SLC9B1: variants seen among roughly 807,000 people sequenced by gnomAD.
SLC9B1 encodes the protein solute carrier family 9 member B1.
SLC9B1 carries 32 observed loss-of-function variants against 51.7 expected under a neutral mutation model. The ratio of observed to expected loss-of-function variants is 0.62; its 90% CI spans 0.47 to 0.83. The LOEUF (loss-of-function observed/expected upper bound fraction) is 0.83. SLC9B1 is among the 40% of genes least tolerant of loss of function. The pLI, the probability that SLC9B1 is intolerant of heterozygous loss-of-function variation, is 0.00. For missense variants in SLC9B1, 406 were observed against 613.2 expected (o/e 0.66, Z 3.57); for synonymous variants, 145 against 212.7 (o/e 0.68, Z 2.77).
intron 6 of SLC9B1, among the ~76,000 whole-genome samples, chr4:102,937,451 G>T (rs1043062134): frequency 2.0e-5 from 3 of 147,868 alleles, no homozygotes; most frequent in Admixed American, 2.0e-4. Flanking sequence ...ACTTGGCTGG[G>T]TGTGGTGGCT....
chr4:102,913,613 T>G (rs1735443781), intron 7 of SLC9B1, among the ~76,000 whole-genome samples: 1 of 151,632 alleles, frequency 6.6e-6, no homozygotes. Context: ...ACCTGATGAC[T>G]AAATTAAAGG....
At chr4:103,005,279 C>T (rs1472191651) in intron 1 of SLC9B1, among the ~76,000 whole-genome samples, 1 of 127,966 alleles carries the variant, frequency 7.8e-6, no homozygotes, top group African/African-American at 3.1e-5. Flanking sequence ...AAAAAAAAAC[C>T]AGAAAAAAGC....
In SLC9B1 at chr4:102,940,775, A is replaced by G. The variant is rs566627403; in HGVS notation, c.653+4418T>C. On this transcript the variant is annotated intron_variant, in intron 6 of 11. Transcript: ENST00000296422. ...CAGAATCTATAAGGAACTCAAAAAC[A>G]GACATAGACCAGTGGAACAGGTTAC... Among the ~76,000 whole-genome samples, 9 of 152,346 alleles carry G rather than the reference A, an allele frequency of 5.9e-5. No homozygotes were observed. In the East Asian group the frequency reaches 1.2e-3, roughly 20 times the overall value.
In SLC9B1 at chr4:102,950,726, G is replaced by A. The variant is rs1737507901; in HGVS notation, c.212-1299C>T. Among the ~76,000 whole-genome samples, 3 of 152,202 alleles carry A rather than the reference G, an allele frequency of 2.0e-5. No homozygotes were observed. In the South Asian group the frequency reaches 6.2e-4, roughly 31 times the overall value. On this transcript the variant is annotated intron_variant, in intron 3 of 11. Coordinates refer to ENST00000296422, the MANE Select transcript of SLC9B1 (RefSeq NM_139173.4). ...AGAATGGACCAGGCTGGGCATGGTG[G>A]CTCATGCCTGTAATCCCAGCACTTT...
chr4:102,976,681 G>C (rs1177180423), intron 3 of SLC9B1, among the ~76,000 whole-genome samples: 1 of 152,200 alleles, frequency 6.6e-6, no homozygotes, highest in Non-Finnish European at 1.5e-5. Flanking sequence ...GGTAAGTTAA[G>C]GGATAGGATG....
intron 2 of SLC9B1, 146 bp downstream of exon 2, chr4:102,991,497 C>T (rs1484209390): frequency 4.0e-6 from 2 of 504,260 alleles, no homozygotes; most frequent in African/African-American, 4.0e-5. Context: ...TCCTAGGACC[C>T]ATTACAACTA....
At chr4:102,954,477 T>C (rs1737677407) in intron 3 of SLC9B1, among the ~76,000 whole-genome samples, 1 of 140,714 alleles carries the variant, frequency 7.1e-6, no homozygotes. Flanking sequence ...TTAAAGAATC[T>C]AGACAGAGAA....
intron 7 of SLC9B1, among the ~76,000 whole-genome samples, chr4:102,925,335 A>C (rs574321941): frequency 1.3e-5 from 2 of 152,280 alleles, no homozygotes; most frequent in South Asian, 2.1e-4. Flanking sequence ...GTTCTCACTC[A>C]TAGGTGGGAA....
chr4:102,978,359 A>G (rs1271649190), intron 3 of SLC9B1, among the ~76,000 whole-genome samples: 3 of 152,184 alleles, frequency 2.0e-5, no homozygotes, highest in Non-Finnish European at 4.4e-5. Context: ...AAAAGAAACT[A>G]CCATCAGAGT....
intron 3 of SLC9B1, among the ~76,000 whole-genome samples, chr4:102,966,275 A>C (rs1274587638): frequency 6.6e-6 from 1 of 152,128 alleles, no homozygotes; most frequent in Admixed American, 6.5e-5. Context: ...CCCTGCAACA[A>C]ATCTCCACCT....
At chr4:102,987,051 G>A (rs1469880343) in intron 3 of SLC9B1, among the ~76,000 whole-genome samples, 1 of 152,134 alleles carries the variant, frequency 6.6e-6, no homozygotes, top group South Asian at 2.1e-4. Flanking sequence ...ATGATGTACT[G>A]AGTAAAAGGA....
rs183211507 is a variant in SLC9B1 at position 102,962,712 on chromosome 4, G to A, written c.212-13285C>T. The A allele has an allele frequency of 5.0e-4, 235 of 470,670 alleles. 2 individuals are homozygous for A. Among genetic ancestry groups the A allele is most frequent in the Non-Finnish European group, 1.1e-4 (26 of 229,386 alleles). The allele number at this position is 470,670 out of a possible 1,614,324, so 29.2% of individuals were successfully genotyped here. A position where few individuals can be genotyped will look rare whatever the true frequency, so the allele number is the denominator to read the frequency against. On this transcript the variant is annotated intron_variant, in intron 3 of 11. Transcript: ENST00000296422. The stretch of plus-strand genomic sequence containing the variant: ...TTCACTCAACAGCTGCTAAGGGAGA[G>A]GGAGGTAGGAATCCCTCTTGAGCAG...
At chr4:102,958,068 T>A (rs1477299114) in intron 3 of SLC9B1, among the ~76,000 whole-genome samples, 1 of 152,164 alleles carries the variant, frequency 6.6e-6, no homozygotes, top group Non-Finnish European at 1.5e-5. Flanking sequence ...AGTAACACAA[T>A]GAAACTCTGT....
chr4:102,977,191 A>C (rs1327356112), intron 3 of SLC9B1, among the ~76,000 whole-genome samples: 1 of 151,682 alleles, frequency 6.6e-6, no homozygotes, highest in East Asian at 1.9e-4. Flanking sequence ...TGGAAGTGGA[A>C]TTGATAGGGC....
rs766399091 is a variant in SLC9B1, at chr4:102,965,037, C to T, written c.212-15610G>A. 1.7e-4 allele frequency among the ~76,000 whole-genome samples: 26 copies of T among 152,152 alleles called. No homozygotes were observed. In the Middle Eastern group the frequency reaches 0.014, roughly 80 times the overall value. ...CCCACATACCACACCCCCTCCCAGA[C>T]TTACTAGAACTAAGAGGGTGGCTTA... On this transcript the variant is annotated intron_variant, in intron 3 of 11. Transcript: ENST00000296422.
At position 102,959,358 on chromosome 4, in the gene SLC9B1, TG is replaced by T; in HGVS notation, c.212-9932del. Among the ~76,000 whole-genome samples the T allele has an allele frequency of 1.3e-5, 2 of 152,088 alleles. 1 individual carries two copies. Among genetic ancestry groups the T allele is most frequent in the Middle Eastern group, 6.3e-3 (2 of 316 alleles). On this transcript the variant is annotated intron_variant, in intron 3 of 11. Transcript: ENST00000296422. ...TAAGTCAGTTTTATTATCTGTAAAA[TG>T]GGGATAAAAAAATTATCTCCTGCCA...
At chr4:102,985,557 T>C (rs1739570632) in intron 3 of SLC9B1, among the ~76,000 whole-genome samples, 1 of 152,000 alleles carries the variant, frequency 6.6e-6, no homozygotes, top group South Asian at 2.1e-4. Context: ...TTTTCTTCCT[T>C]CTTTTGCCCA....
chr4:102,906,029 G>A (rs1468763829), intron 10 of SLC9B1, among the ~76,000 whole-genome samples: 2 of 152,010 alleles, frequency 1.3e-5, no homozygotes, highest in African/African-American at 4.8e-5. Context: ...TCCGACTCCC[G>A]GGTTCACGCG....
intron 1 of SLC9B1, among the ~76,000 whole-genome samples, chr4:103,018,706 G>A (rs2110552177): frequency 6.6e-6 from 1 of 152,250 alleles, no homozygotes; most frequent in African/African-American, 2.4e-5. Context: ...AAGAGCTCTT[G>A]TAACACTACT....
Sources: allele counts gnomAD v4.1 joint callset (sites outside exome capture counted in the v4.1 genomes callset), GRCh38; gene constraint gnomAD v4.1.1; transcripts MANE v1.5; gene names NCBI Gene and HGNC (gene_info 2026-07-23, HGNC 2026-07-21).